The following CDH10 variants were observed in gnomAD, a reference collection of about 807,000 sequenced individuals.
CDH10 encodes the protein cadherin 10.
Under a neutral mutation model 73.1 loss-of-function variants are expected in CDH10, and 30 were observed. The ratio of observed to expected loss-of-function variants is 0.41; its 90% confidence interval spans 0.31 to 0.56. The LOEUF (loss-of-function observed/expected upper bound fraction) is 0.56, where lower values mean the gene tolerates loss of function less well. CDH10 is among the 20% of genes least tolerant of loss of function. The pLI is 0.27. For missense variants in CDH10, 815 were observed against 973.7 expected (o/e 0.84, Z 2.17); for synonymous variants, 345 against 348.2 (o/e 0.99, Z 0.10).
At chr5:24,525,014 T>C (rs1383820368) in intron 5 of CDH10, among the ~76,000 whole-genome samples, 4 of 152,060 alleles carry the variant, frequency 2.6e-5, no homozygotes, top group African/African-American at 7.2e-5. Flanking sequence ...CCAATTTGTG[T>C]ACAAGAGTTA....
At chr5:24,641,309 G>T (rs1748042768) in intron 1 of CDH10, among the ~76,000 whole-genome samples, 1 of 151,758 alleles carries the variant, frequency 6.6e-6, no homozygotes, top group Admixed American at 6.6e-5. Context: ...GCATTGCTTG[G>T]TAATTGTTTG....
chr5:24,525,136 T>A (rs1449402720), intron 5 of CDH10, among the ~76,000 whole-genome samples: 3 of 151,966 alleles, frequency 2.0e-5, no homozygotes, highest in Admixed American at 2.0e-4. Context: ...ATGCCAGAAA[T>A]CAACTGGGAG....
intron 1 of CDH10, among the ~76,000 whole-genome samples, chr5:24,593,838 G>A (rs1469724646): frequency 6.6e-6 from 1 of 151,802 alleles, no homozygotes; most frequent in Non-Finnish European, 1.5e-5. Flanking sequence ...AAATTCTAAA[G>A]AAAGGACATT....
chr5:24,614,100 T>A, intron 1 of CDH10, among the ~76,000 whole-genome samples: 1 of 152,146 alleles, frequency 6.6e-6, no homozygotes. Flanking sequence ...TAAAGGTGCT[T>A]CCTGGTTCTA....
intron 5 of CDH10, among the ~76,000 whole-genome samples, chr5:24,524,245 G>A (rs1216754851): frequency 6.6e-6 from 1 of 152,114 alleles, no homozygotes; most frequent in Non-Finnish European, 1.5e-5. Flanking sequence ...GTATGAAACA[G>A]TGATTCATTC....
At chr5:24,624,177 CCTCTT>C (rs1407076060) in intron 1 of CDH10, among the ~76,000 whole-genome samples, 4 of 152,050 alleles carry the variant, frequency 2.6e-5, no homozygotes, top group African/African-American at 7.2e-5. Context: ...CAATAACACT[CCTCTT>C]CTCTGCACTG....
intron 5 of CDH10, among the ~76,000 whole-genome samples, chr5:24,520,734 TTG>T (rs1483026696): frequency 6.6e-6 from 1 of 151,422 alleles, no homozygotes; most frequent in African/African-American, 2.5e-5. Flanking sequence ...TTTTTTTTTG[TTG>T]TTTTTTTTGA....
At chr5:24,550,652 A>C (rs981516705) in intron 2 of CDH10, among the ~76,000 whole-genome samples, 3 of 152,048 alleles carry the variant, frequency 2.0e-5, no homozygotes, top group Non-Finnish European at 4.4e-5. Flanking sequence ...ATATTTTTAC[A>C]ATTTGGGTAA....
chr5:24,530,021 T>TTTA (rs1743676065), intron 5 of CDH10, among the ~76,000 whole-genome samples: 1 of 145,464 alleles, frequency 6.9e-6, no homozygotes. Flanking sequence ...TTTTACTTTT[T>TTTA]TTTTTTTTTT....
At chr5:24,524,193 GGTCT>G (rs1743442121) in intron 5 of CDH10, among the ~76,000 whole-genome samples, 1 of 151,876 alleles carries the variant, frequency 6.6e-6, no homozygotes, top group Admixed American at 6.6e-5. Flanking sequence ...AGATTTATTG[GGTCT>G]ATTTCAAAAT....
At chr5:24,525,177 T>G (rs1743482104) in intron 5 of CDH10, among the ~76,000 whole-genome samples, 1 of 152,030 alleles carries the variant, frequency 6.6e-6, no homozygotes, top group African/African-American at 2.4e-5. Flanking sequence ...TACCTCTAGG[T>G]TTTGAGTTTA....
chr5:24,537,239 C>T, intron 3 of CDH10, 141 bp downstream of exon 3: 1 of 564,264 alleles, frequency 1.8e-6, no homozygotes, highest in Non-Finnish European at 3.0e-6. Flanking sequence ...CTGATTGTCT[C>T]CTAAAAGAAA....
chr5:24,496,601 A>G (rs1398403489), intron 9 of CDH10, among the ~76,000 whole-genome samples: 2 of 152,206 alleles, frequency 1.3e-5, no homozygotes, highest in Non-Finnish European at 2.9e-5. Flanking sequence ...ATGAATGGAT[A>G]ATTGTCCATG....
intron 2 of CDH10, among the ~76,000 whole-genome samples, chr5:24,575,190 C>T (rs1318467458): frequency 3.3e-5 from 5 of 150,582 alleles, no homozygotes; most frequent in African/African-American, 1.2e-4. Context: ...GGCAAAAACC[C>T]CTCTCTCCTA....
chr5:24,558,493 T>C (rs549470169), intron 2 of CDH10, among the ~76,000 whole-genome samples: 39 of 151,738 alleles, frequency 2.6e-4, no homozygotes, highest in Non-Finnish European at 5.5e-4. Context: ...TTAAAATACA[T>C]TTATTTAACA....
intron 2 of CDH10, among the ~76,000 whole-genome samples, chr5:24,579,449 C>G (rs1003383140): frequency 6.6e-6 from 1 of 151,990 alleles, no homozygotes; most frequent in Non-Finnish European, 1.5e-5. Context: ...CGTATTTGCT[C>G]CTTTCTAGCA....
At chr5:24,584,250 C>G (rs769162300) in intron 2 of CDH10, among the ~76,000 whole-genome samples, 1 of 151,774 alleles carries the variant, frequency 6.6e-6, no homozygotes, top group Admixed American at 6.6e-5. Flanking sequence ...GTAATTATAC[C>G]AATATTTTCT....
At chr5:24,537,790 C>G (rs1382661138) in intron 2 of CDH10, 116 bp from the exon 3 acceptor site, 47 of 623,802 alleles carry the variant, frequency 7.5e-5, no homozygotes, top group Non-Finnish European at 1.4e-5. Context: ...GGCTATCCTA[C>G]TTCTTGAAAT....
At chr5:24,496,130 T>G (rs1198196252) in intron 9 of CDH10, among the ~76,000 whole-genome samples, 2 of 152,142 alleles carry the variant, frequency 1.3e-5, no homozygotes, top group African/African-American at 4.8e-5. Context: ...TCTTAAAGGC[T>G]TAGTTGTCAT....
Sources: allele counts gnomAD v4.1 joint callset (sites outside exome capture counted in the v4.1 genomes callset), GRCh38; gene constraint gnomAD v4.1.1; transcripts MANE v1.5; gene names NCBI Gene and HGNC (gene_info 2026-07-23, HGNC 2026-07-21).